The following HAT1 variants were observed in gnomAD, a reference collection of about 807,000 sequenced individuals.
HAT1 encodes histone acetyltransferase 1.
A neutral mutation model predicts 56.6 loss-of-function variants in HAT1; 20 were observed. The observed-to-expected ratio is 0.35, with a 90% CI of 0.25 to 0.51. The LOEUF (loss-of-function observed/expected upper bound fraction) is 0.51. Among genes scored for constraint, HAT1 ranks in the 20% least tolerant of loss-of-function variants. The pLI is 0.95. For synonymous variants in HAT1, 146 were observed against 165.5 expected (o/e 0.88, Z 0.91); for missense variants, 408 against 504.3 (o/e 0.81, Z 1.83).
At chr2:171,970,496 CTTTTTTTTTTTTTTTTTTTTTTTTT>C (rs61462189) in intron 8 of HAT1, among the ~76,000 whole-genome samples, 8 of 74,976 alleles carry the variant, frequency 1.1e-4, no homozygotes, top group African/African-American at 4.7e-4. Flanking sequence ...AATGCAGTTT[CTTTTTTTTTTTTTTTTTTTTTTTTT>C]TTTTTTTTTT....
Position 171,951,230 on chromosome 2 carries a change from T to C in HAT1, c.189-1651T>C, listed in dbSNP as rs377565462. Among the ~76,000 whole-genome samples, 112 of 152,360 alleles carry C rather than the reference T, an allele frequency of 7.4e-4. 1 individual carries two copies. The highest frequency in any genetic ancestry group is 2.5e-3 in the African/African-American group (104 of 41,580). On this transcript the variant is annotated intron_variant, in intron 3 of 10. Transcript: ENST00000264108. ...CTTTCACATATTAATAATTGTATCT[T>C]ATTATACATAGATTAATGCCAAAAT...
At chr2:171,936,360 G>A (rs1209158816) in intron 2 of HAT1, among the ~76,000 whole-genome samples, 1 of 152,162 alleles carries the variant, frequency 6.6e-6, no homozygotes, top group Non-Finnish European at 1.5e-5. Context: ...TGTAAGACAG[G>A]AGCATCCTTA....
At chr2:171,965,669 T>A (rs1205716984) in intron 5 of HAT1, 118 bp from the exon 6 acceptor site, 7 of 1,064,072 alleles carry the variant, frequency 6.6e-6, no homozygotes, top group African/African-American at 3.2e-5. Flanking sequence ...TCTGTATCTA[T>A]GTTCACATCT....
chr2:171,941,973 C>T (rs750410005), intron 2 of HAT1, among the ~76,000 whole-genome samples: 42 of 152,102 alleles, frequency 2.8e-4, no homozygotes, highest in Admixed American at 4.6e-4. Flanking sequence ...GGCTCGATCT[C>T]GGCTTACTGC....
chr2:171,961,344 C>A (rs1339196542), intron 4 of HAT1, among the ~76,000 whole-genome samples: 2 of 152,120 alleles, frequency 1.3e-5, no homozygotes, highest in African/African-American at 4.8e-5. Context: ...GGGGTAATTT[C>A]ATTGCCTTTT....
chr2:171,956,430 T>A (rs553332477), intron 4 of HAT1, among the ~76,000 whole-genome samples: 1 of 149,168 alleles, frequency 6.7e-6, no homozygotes, highest in East Asian at 2.1e-4. Flanking sequence ...GAGACTGGCT[T>A]AAGCACGGGA....
At chr2:171,981,657 C>A (rs1375470609) in intron 10 of HAT1, among the ~76,000 whole-genome samples, 1 of 152,158 alleles carries the variant, frequency 6.6e-6, no homozygotes, top group Non-Finnish European at 1.5e-5. Context: ...ATCTTGAATT[C>A]ATACACAGAT....
chr2:171,965,661 T>G (rs1687667029), intron 5 of HAT1, 126 bp from the exon 6 acceptor site: 1 of 1,009,132 alleles, frequency 9.9e-7, no homozygotes, highest in African/African-American at 1.6e-5. Flanking sequence ...TGTGTATGTC[T>G]GTATCTATGT....
At chr2:171,954,833 T>C (rs187118494) in intron 4 of HAT1, among the ~76,000 whole-genome samples, 4 of 152,328 alleles carry the variant, frequency 2.6e-5, no homozygotes, top group Non-Finnish European at 4.4e-5. Context: ...TATCTTGATA[T>C]TATCCTGGAA....
intron 4 of HAT1, among the ~76,000 whole-genome samples, chr2:171,956,476 C>T (rs1421855978): frequency 2.6e-5 from 4 of 152,102 alleles, no homozygotes; most frequent in African/African-American, 9.7e-5. Context: ...GGTGCCACTG[C>T]ACTCCAGCCT....
chr2:171,938,984 G>T (rs558013849), intron 2 of HAT1, among the ~76,000 whole-genome samples: 2 of 152,092 alleles, frequency 1.3e-5, no homozygotes, highest in African/African-American at 4.8e-5. Context: ...CAAGCAATTC[G>T]CCTGCCTTGG....
At chr2:171,945,915 CCA>C (rs1260323482) in intron 2 of HAT1, among the ~76,000 whole-genome samples, 1 of 152,132 alleles carries the variant, frequency 6.6e-6, no homozygotes, top group Non-Finnish European at 1.5e-5. Flanking sequence ...GGTAATCTGC[CCA>C]CCTCAGCCTC....
chr2:171,964,521 TTTA>T (rs1687642144), intron 4 of HAT1, among the ~76,000 whole-genome samples: 1 of 152,204 alleles, frequency 6.6e-6, no homozygotes, highest in South Asian at 2.1e-4. Context: ...TTCATTAAGT[TTTA>T]TTGCCTGGTG....
chr2:171,977,399 T>G (rs1687994550), intron 9 of HAT1, among the ~76,000 whole-genome samples: 1 of 148,190 alleles, frequency 6.7e-6, no homozygotes, highest in Admixed American at 6.7e-5. Context: ...GAGGCGGAGG[T>G]TGCAGTGAGC....
intron 2 of HAT1, among the ~76,000 whole-genome samples, chr2:171,944,887 CCT>C (rs1313531040): frequency 2.0e-5 from 3 of 152,160 alleles, no homozygotes; most frequent in East Asian, 1.9e-4. Flanking sequence ...CTTTTTTCCC[CCT>C]GAGACGGAGT....
chr2:171,925,232 C>T (rs1445760622), intron 1 of HAT1, among the ~76,000 whole-genome samples: 2 of 151,900 alleles, frequency 1.3e-5, no homozygotes, highest in Non-Finnish European at 2.9e-5. Flanking sequence ...GTCACCGTGC[C>T]CGGCTAATTT....
At chr2:171,981,034 G>C (rs1688120189) in intron 10 of HAT1, among the ~76,000 whole-genome samples, 1 of 151,904 alleles carries the variant, frequency 6.6e-6, no homozygotes, top group Admixed American at 6.6e-5. Context: ...GCCAGGCATG[G>C]TGGGAGGTGC....
chr2:171,956,910 A>T (rs1470118569), intron 4 of HAT1, among the ~76,000 whole-genome samples: 3 of 152,192 alleles, frequency 2.0e-5, no homozygotes, highest in African/African-American at 7.2e-5. Context: ...TGTTCTGGAG[A>T]GAAAGCCGTG....
intron 2 of HAT1, among the ~76,000 whole-genome samples, chr2:171,939,803 T>C (rs1404649230): frequency 6.6e-6 from 1 of 152,064 alleles, no homozygotes; most frequent in Non-Finnish European, 1.5e-5. Flanking sequence ...TTTCTTTTTT[T>C]TTTTTTTAAG....
Sources: gnomAD v4.1 joint callset for allele counts (sites outside exome capture counted in the v4.1 genomes callset) on GRCh38, gnomAD v4.1.1 for gene constraint, MANE v1.5 for transcripts, NCBI Gene and HGNC (gene_info 2026-07-23, HGNC 2026-07-21) for gene names.